Variants in PLK2 observed in about 807,000 individuals in gnomAD.
PLK2 encodes serine/threonine-protein kinase PLK2.
A neutral mutation model predicts 78.1 loss-of-function variants in PLK2; 25 were observed. The observed-to-expected ratio is 0.32, with a 90% CI of 0.23 to 0.45. PLK2 has a LOEUF of 0.45. Ranked by LOEUF, PLK2 falls within the 20% of genes least tolerant of loss-of-function variation. PLK2 has a pLI of 1.00. For missense variants in PLK2, 566 were observed against 840.2 expected (o/e 0.67, Z 4.04); for synonymous variants, 332 against 298.2 (o/e 1.11, Z -1.17).
chr5:58,455,811 T>C (rs1743585079), intron 10 of PLK2, 32 bp from the exon 11 acceptor site: 3 of 1,607,402 alleles, frequency 1.9e-6, no homozygotes, highest in East Asian at 2.2e-5. Context: ...TTTCAAGTTA[T>C]ACAATATTTT....
At chr5:58,455,890 A>C (rs911524676) in intron 10 of PLK2, 111 bp from the exon 11 acceptor site, 2 of 1,487,066 alleles carry the variant, frequency 1.3e-6, no homozygotes, top group Non-Finnish European at 1.8e-6. Flanking sequence ...ATAGAACTCA[A>C]GATTATTTTC....
In PLK2 at chr5:58,454,962, C is replaced by G; in HGVS notation, c.1815G>C (p.Trp605Cys). 6.2e-7 allele frequency: 1 copy of G among 1,613,260 alleles called. No homozygotes were observed. Among genetic ancestry groups the G allele is most frequent in the Non-Finnish European group, 8.5e-7 (1 of 1,179,298 alleles). The stretch of plus-strand genomic sequence containing the variant: ...TCATTAGGGCCTTATCAGATTTTAG[C>G]CACTGAAGGAGGTAGAGCCGAGGTC... The part of the protein sequence containing the change: ...IRRPRLYLLQ[W>C]LKSDKALMML... The change falls in exon 13 of 14, where the codon TGG (tryptophan) becomes TGC (cysteine). Residue 605 changes from tryptophan (W) to cysteine (C), a missense_variant. Physicochemically the swap from Trp to Cys is radical, Grantham distance 215. Around this residue, in one of 5 missense-constraint regions of PLK2, gnomAD observed 130 missense variants for 196.4 expected, o/e 0.66. Transcript: ENST00000274289.
rs1451657391 is a variant in PLK2, at chr5:58,454,553, G to A, written c.*30C>T. ...CTGTAGATCTCACAGTGGAAAAGAGGAGTCCCATAGGGTCCATTCGAAAAG... is the reference window on the plus strand; with the variant it reads ...CTGTAGATCTCACAGTGGAAAAGAGAAGTCCCATAGGGTCCATTCGAAAAG... On this transcript the variant is annotated 3_prime_UTR_variant, in exon 14 of 14. Transcript: ENST00000274289. The A allele has an allele frequency of 2.8e-6, 4 of 1,441,866 alleles. No individual in the cohort carries two copies. In the South Asian group the frequency reaches 3.7e-5, roughly 13 times the overall value. The allele number at this position is 1,441,866 out of a possible 1,614,324, so 89.3% of individuals were successfully genotyped here. A position where few individuals can be genotyped will look rare whatever the true frequency, so the allele number is the denominator to read the frequency against.
Position 58,459,863 on chromosome 5 carries a change from T to G in PLK2, c.97A>C (p.Lys33Gln), listed in dbSNP as rs754519931. ...TCCTCGGGGGGCTGCGGCGGCCGCT[T>G]CTTCTTCGAGTCCGCTCCGCAACCC... is the stretch of plus-strand genomic sequence containing the variant. The part of the protein sequence containing the change: ...GKGCGADSKK[K>Q]RPPQPPEESQ... The change falls in exon 1 of 14, where the codon AAG (lysine) becomes CAG (glutamine). Residue 33 changes from lysine (K) to glutamine (Q), a missense_variant. Around this residue, in one of 5 missense-constraint regions of PLK2, gnomAD observed 127 missense variants for 122.5 expected, o/e 1.04. Transcript: ENST00000274289. The G allele has an allele frequency of 1.5e-4, 238 of 1,611,072 alleles. No homozygotes were observed. Among genetic ancestry groups the G allele is most frequent in the Non-Finnish European group, 2.0e-4 (235 of 1,179,706 alleles).
At chr5:58,457,434 T>G in intron 6 of PLK2, 54 bp downstream of exon 6, 2 of 1,571,728 alleles carry the variant, frequency 1.3e-6, no homozygotes, top group Non-Finnish European at 8.8e-7. Flanking sequence ...TCTTTTCAAG[T>G]GTTAAAATCT....
At chr5:58,459,411 G>C (rs1477950819) in intron 1 of PLK2, 1 of 569,556 alleles carries the variant, frequency 1.8e-6, no homozygotes, top group Non-Finnish European at 3.1e-6. Context: ...CAGATAGAGG[G>C]AGAGAGGTCT....
rs1433619427 is a variant in PLK2, at chr5:58,454,927, T to C, written c.1850A>G (p.Asn617Ser). The change falls in exon 13 of 14, where the codon AAT becomes AGT. Residue 617 changes from asparagine (N) to serine (S), a missense_variant. Asn to Ser is a conservative substitution (Grantham distance 46, BLOSUM62 1). Transcript: ENST00000274289. ...KSDKALMMLF[N>S]DGTFQVNFYH... ...TTCATTTACCTGAAAGGTGCCATCA[T>C]TAAAGAGCATCATTAGGGCCTTATC... 1 of 1,608,554 alleles carries C rather than the reference T, an allele frequency of 6.2e-7. No homozygotes were observed. Among genetic ancestry groups the C allele is most frequent in the Non-Finnish European group, 8.5e-7 (1 of 1,174,914 alleles).
rs1295599949 is a variant in PLK2, at chr5:58,454,115, A to C, written c.*468T>G. 6.5e-6 allele frequency: 1 copy of C among 153,234 alleles called. No individual in the cohort carries two copies. Among genetic ancestry groups the C allele is most frequent in the Non-Finnish European group, 1.5e-5 (1 of 68,476 alleles). The allele number at this position is 153,234 out of a possible 1,614,324, so 9.5% of individuals were successfully genotyped here. Reference sequence around the variant, plus strand: ...TTATTAACAAGGAATGCACTTTTCCAGCCACAAGTATCTTCAAAAATTAAT... The same window carrying C: ...TTATTAACAAGGAATGCACTTTTCCCGCCACAAGTATCTTCAAAAATTAAT... On this transcript the variant is annotated 3_prime_UTR_variant, in exon 14 of 14. Coordinates refer to ENST00000274289, the MANE Select transcript of PLK2 (RefSeq NM_006622.4).
rs1456838777 is a variant in PLK2, at chr5:58,457,303, T to C, written c.886A>G (p.Arg296Gly). 6.2e-7 allele frequency: 1 copy of C among 1,613,584 alleles called. No individual in the cohort carries two copies. Among genetic ancestry groups the C allele is most frequent in the Non-Finnish European group, 8.5e-7 (1 of 1,179,630 alleles). ...KETYRCIREARYTMPSSLLAP... is the reference protein window; with the variant it reads ...KETYRCIREAGYTMPSSLLAP... Reference sequence around the variant, plus strand: ...AGCAATGAGGACGGCATTGTATACCTTGCTTCCCTTATGCACCTATAAGTT... The same window carrying C: ...AGCAATGAGGACGGCATTGTATACCCTGCTTCCCTTATGCACCTATAAGTT... Residue 296 changes from arginine (R) to glycine (G), a missense_variant, in exon 7 of 14, where the codon AGG becomes GGG. Transcript: ENST00000274289.
At chr5:58,458,904 C>A (rs149820376) in intron 2 of PLK2, 63 bp from the exon 3 acceptor site, 2 of 1,303,630 alleles carry the variant, frequency 1.5e-6, no homozygotes, top group African/African-American at 2.9e-5. Context: ...CCAGTGATTA[C>A]ACATGCAGAA....
intron 5 of PLK2, 46 bp from the exon 6 acceptor site, chr5:58,457,629 C>T (rs702723): frequency 0.63 from 685,456 of 1,086,550 alleles, 221,582 homozygotes; most frequent in East Asian, 0.9. Context: ...TATTCCACTA[C>T]TTAAACTTGG....
intron 3 of PLK2, 71 bp downstream of exon 3, chr5:58,458,654 G>T: frequency 7.9e-7 from 1 of 1,265,966 alleles, no homozygotes; most frequent in Non-Finnish European, 1.1e-6. Flanking sequence ...TAAAATCCCA[G>T]ATAAAATACT....
intron 5 of PLK2, chr5:58,457,816 T>G: frequency 1.7e-6 from 1 of 590,112 alleles, no homozygotes; most frequent in East Asian, 2.8e-5. Context: ...ACATGCAAAG[T>G]GTTGTTAACC....
chr5:58,458,731 A>G lies in PLK2; in HGVS notation c.489T>C (p.Ser163=). ...ENIYILLEYC[S]RRSMAHILKA... ...AATAGGAGTTGACACTTACCCTTCT[A>G]CTGCAGTATTCCAAGAGAATGTAAA... The change falls in exon 3 of 14, where the codon AGT becomes AGC. Residue 163 remains serine (S), a synonymous_variant. Coordinates refer to ENST00000274289, the MANE Select transcript of PLK2 (RefSeq NM_006622.4). 10 of 1,468,864 alleles carry G rather than the reference A, an allele frequency of 6.8e-6. No individual in the cohort carries two copies. The highest frequency in any genetic ancestry group is 9.5e-6 in the Non-Finnish European group (10 of 1,047,800). The allele number at this position is 1,468,864 out of a possible 1,614,324, so 91.0% of individuals were successfully genotyped here. A position where few individuals can be genotyped will look rare whatever the true frequency, so the allele number is the denominator to read the frequency against.
intron 4 of PLK2, 70 bp from the exon 5 acceptor site, chr5:58,458,241 C>T (rs1039913194): frequency 7.5e-7 from 1 of 1,333,280 alleles, no homozygotes; most frequent in Non-Finnish European, 1.1e-6. Context: ...CACACATCCA[C>T]TTTGGAGCCA....
chr5:58,455,046 T>C (rs1579963141), intron 12 of PLK2, 25 bp from the exon 13 acceptor site: 18 of 1,326,026 alleles, frequency 1.4e-5, no homozygotes, highest in African/African-American at 4.4e-5. Context: ...GAGAGTGAGT[T>C]AGTGCCTACA....
At chr5:58,456,405 C>G (rs1272897851) in intron 9 of PLK2, 87 bp downstream of exon 9, 1 of 890,706 alleles carries the variant, frequency 1.1e-6, no homozygotes, top group Non-Finnish European at 1.8e-6. Flanking sequence ...CATATTTGAA[C>G]CATGATAATC....
rs367820482 is a variant in PLK2, at chr5:58,457,502, G to A, written c.795C>T (p.Ala265=). ...QGHGCESDIW[A]LGCVMYTMLL... Reference sequence around the variant, plus strand: ...CATTTACTTACATTACACAGCCCAGGGCCCAAATGTCTGATTCACAGCCAT... The same window carrying A: ...CATTTACTTACATTACACAGCCCAGAGCCCAAATGTCTGATTCACAGCCAT... Residue 265 remains alanine, a synonymous_variant, in exon 6 of 14, where the codon GCC becomes GCT. Coordinates refer to ENST00000274289, the MANE Select transcript of PLK2 (RefSeq NM_006622.4). 42 of 1,611,148 alleles carry A rather than the reference G, an allele frequency of 2.6e-5. No individual in the cohort carries two copies. Among genetic ancestry groups the A allele is most frequent in the Non-Finnish European group, 3.5e-5 (41 of 1,177,466 alleles).
Position 58,456,594 on chromosome 5 carries a change from A to C in PLK2, c.1157-5T>G. On this transcript the variant is annotated splice_polypyrimidine_tract_variant and splice_region_variant and intron_variant, in intron 8 of 13. Coordinates refer to ENST00000274289, the MANE Select transcript of PLK2 (RefSeq NM_006622.4). ...CATCTTCTTTAGACACTCTATCTGT[A>C]TATCAAGAAACAGAATTACAAACAT... 1 of 1,487,260 alleles carries C rather than the reference A, an allele frequency of 6.7e-7. No individual in the cohort carries two copies. The highest frequency in any genetic ancestry group is 9.4e-7 in the Non-Finnish European group (1 of 1,068,594). The allele number at this position is 1,487,260 out of a possible 1,614,324, so 92.1% of individuals were successfully genotyped here. A position where few individuals can be genotyped will look rare whatever the true frequency, so the allele number is the denominator to read the frequency against.
Sources: gnomAD v4.1 joint callset for allele counts on GRCh38, gnomAD v4.1.1 for gene constraint, gnomAD v4.1.1 regional missense constraint, MANE v1.5 for transcripts, NCBI Gene and HGNC (gene_info 2026-07-23, HGNC 2026-07-21) for gene names.